COL27A1: variants seen among roughly 807,000 people sequenced by gnomAD.
COL27A1 encodes the protein collagen alpha-1(XXVII) chain.
COL27A1 carries 106 observed loss-of-function variants against 251.3 expected under a neutral mutation model. The observed-to-expected ratio is 0.42, with a 90% CI of 0.36 to 0.50. COL27A1 has a LOEUF of 0.50. COL27A1 is among the 20% of genes least tolerant of loss of function. COL27A1 has a pLI of 0.00. For missense variants in COL27A1, 2,325 were observed against 2,522.8 expected (o/e 0.92, Z 1.68); for synonymous variants, 1,000 against 986.3 (o/e 1.01, Z -0.26).
At chr9:114,270,973 A>C (rs1050374457) in intron 36 of COL27A1, 192 bp downstream of exon 36, 1 of 579,060 alleles carries the variant, frequency 1.7e-6, no homozygotes, top group African/African-American at 1.9e-5. Context: ...CCTCTGCACT[A>C]CCTGCTCAGG....
At chr9:114,308,487 A>T (rs1249760) in intron 59 of COL27A1, among the ~76,000 whole-genome samples, 1 of 152,008 alleles carries the variant, frequency 6.6e-6, no homozygotes, top group African/African-American at 2.4e-5. Context: ...GCCAGCCAGT[A>T]GCCAGGTCTT....
At chr9:114,234,940 G>A (rs990135150) in intron 16 of COL27A1, among the ~76,000 whole-genome samples, 13 of 151,438 alleles carry the variant, frequency 8.6e-5, no homozygotes, top group Admixed American at 7.2e-4. Context: ...TTAGCTGGGC[G>A]TGGTGGCACG....
chr9:114,255,108 G>A (rs921612937), intron 27 of COL27A1, among the ~76,000 whole-genome samples: 38 of 152,182 alleles, frequency 2.5e-4, no homozygotes, highest in African/African-American at 8.9e-4. Context: ...AGCACTCTGG[G>A]CTCCCAGTGA....
intron 14 of COL27A1, among the ~76,000 whole-genome samples, chr9:114,227,934 C>A (rs143901649): frequency 6.6e-6 from 1 of 152,236 alleles, no homozygotes; most frequent in South Asian, 2.1e-4. Flanking sequence ...TTGTTCCTCC[C>A]GGAAATGCTT....
intron 39 of COL27A1, among the ~76,000 whole-genome samples, chr9:114,282,914 G>T (rs1216287688): frequency 6.6e-6 from 1 of 152,198 alleles, no homozygotes; most frequent in East Asian, 1.9e-4. Context: ...CAAACAAGGA[G>T]ATTTCCCACT....
At chr9:114,301,940 G>A in intron 55 of COL27A1, 142 bp from the exon 56 acceptor site, 1 of 979,142 alleles carries the variant, frequency 1.0e-6, no homozygotes, top group South Asian at 1.5e-5. Flanking sequence ...CCAGCCCACT[G>A]GGGCCCACCA....
Position 114,237,671 on chromosome 9 carries a change from G to C in COL27A1, c.2683G>C (p.Gly895Arg). ...RGKPGPLGKVGDKGSIGFPGP... is the reference protein window; with the variant it reads ...RGKPGPLGKVRDKGSIGFPGP... ...CTCTTCTCTTCCACAGGGCAAAGTC[G>C]GAGACAAAGGATCCATTGGGTTTCC... The change falls in exon 19 of 61, where the codon GGA (glycine) becomes CGA (arginine). Residue 895 changes from glycine (G) to arginine (R), a missense_variant. Gly to Arg is a moderately radical substitution (Grantham distance 125). Transcript: ENST00000356083. 6.2e-7 allele frequency: 1 copy of C among 1,614,080 alleles called. No homozygotes were observed.
At position 114,168,214 on chromosome 9, in the gene COL27A1, C is replaced by T. The variant is rs1176131296; in HGVS notation, c.659C>T (p.Pro220Leu). ...EGALCQFSIY[P>L]VTQVAHNYCT... ...GCTCTCTGCCAGTTCAGTATCTACC[C>T]TGTGACGCAGGTCGCTCACAATTAC... Residue 220 changes from proline to leucine, a missense_variant, in exon 3 of 61, where the codon CCT (proline) becomes CTT (leucine). Physicochemically the swap from Pro to Leu is moderately conservative, Grantham distance 98. Around this residue, in one of 4 missense-constraint regions of COL27A1, gnomAD observed 1,183 missense variants for 1,144.1 expected, o/e 1.03. Coordinates refer to ENST00000356083, the MANE Select transcript of COL27A1 (RefSeq NM_032888.4). The T allele has an allele frequency of 6.2e-7, 1 of 1,614,016 alleles. No individual in the cohort carries two copies. Among genetic ancestry groups the T allele is most frequent in the South Asian group, 1.1e-5 (1 of 91,086 alleles).
rs1827664005 is a variant in COL27A1 at position 114,288,443 on chromosome 9, C to T, written c.3988-12C>T. 6.2e-7 allele frequency: 1 copy of T among 1,609,358 alleles called. No individual in the cohort carries two copies. The highest frequency in any genetic ancestry group is 2.2e-5 in the East Asian group (1 of 44,782). ...CAGGCGGTTTGCCCTAAAGCTGGTT[C>T]TGTGTCCACAGGGGGAGCAGGGCGA... On this transcript the variant is annotated splice_polypyrimidine_tract_variant and intron_variant, in intron 41 of 60. Transcript: ENST00000356083.
At chr9:114,302,726 C>A (rs559131093) in intron 56 of COL27A1, among the ~76,000 whole-genome samples, 134 of 139,134 alleles carry the variant, frequency 9.6e-4, no homozygotes, top group Middle Eastern at 7.6e-3. Context: ...ACAAAAAAAA[C>A]AAAAAAAAAA....
Position 114,202,164 on chromosome 9 carries a change from G to T in COL27A1, c.2125-2938G>T, listed in dbSNP as rs113275636. ...CATTTAGCTGCATCCTGAGTAAAAG[G>T]GTTTACTTGAAATCTTCTCCTGGGA... On this transcript the variant is annotated intron_variant, in intron 7 of 60. Coordinates refer to ENST00000356083, the MANE Select transcript of COL27A1 (RefSeq NM_032888.4). Among the ~76,000 whole-genome samples, 872 of 152,310 alleles carry T rather than the reference G, an allele frequency of 5.7e-3. 6 individuals are homozygous for T. The highest frequency in any genetic ancestry group is 0.02 in the African/African-American group (822 of 41,566).
In COL27A1 at chr9:114,311,780, A is replaced by G. The variant is rs759496344; in HGVS notation, c.*1085A>G. On this transcript the variant is annotated 3_prime_UTR_variant, in exon 61 of 61. Coordinates refer to ENST00000356083, the MANE Select transcript of COL27A1 (RefSeq NM_032888.4). ...GTCTTGGGTGAAAACTTGACCTTGA[A>G]GAAACCAATCACAAAAGCGGCGTTG... 14 of 152,272 alleles carry G rather than the reference A, an allele frequency of 9.2e-5. No individual in the cohort carries two copies. Among genetic ancestry groups the G allele is most frequent in the East Asian group, 1.9e-4 (1 of 5,190 alleles). The allele number at this position is 152,272 out of a possible 1,614,324, so 9.4% of individuals were successfully genotyped here.
At chr9:114,154,373 A>C (rs2134967142), upstream of COL27A1, among the ~76,000 whole-genome samples, 1 of 152,290 alleles carries the variant, frequency 6.6e-6, no homozygotes, top group Admixed American at 6.5e-5. The surrounding 1 kb of genome is among the most constrained non-coding windows in gnomAD (Gnocchi z 5.8). Context: ...GGGACCCAGT[A>C]AGTGCTTGGG....
At chr9:114,244,481 C>A (rs1316512637) in intron 23 of COL27A1, among the ~76,000 whole-genome samples, 1 of 152,228 alleles carries the variant, frequency 6.6e-6, no homozygotes, top group East Asian at 1.9e-4. Context: ...CCCAAGGACT[C>A]CCTTAAGTTG....
intron 40 of COL27A1, 56 bp from the exon 41 acceptor site, chr9:114,284,668 T>C (rs1827332860): frequency 6.3e-7 from 1 of 1,579,974 alleles, no homozygotes; most frequent in Admixed American, 1.7e-5. Flanking sequence ...GGAGTCCATG[T>C]CCTTTGTCCT....
chr9:114,276,273 A>T (rs1418692564), intron 37 of COL27A1, among the ~76,000 whole-genome samples: 1 of 152,222 alleles, frequency 6.6e-6, no homozygotes, highest in Non-Finnish European at 1.5e-5. Flanking sequence ...TCTTGGCTCC[A>T]TGAAGACCAA....
At position 114,270,868 on chromosome 9, in the gene COL27A1, G is replaced by T; in HGVS notation, c.3609+87G>T. 2.9e-6 allele frequency: 3 copies of T among 1,018,756 alleles called. No homozygotes were observed. The Admixed American group carries it at 6.0e-5, about 20-fold the overall frequency. The allele number at this position is 1,018,756 out of a possible 1,614,324, so 63.1% of individuals were successfully genotyped here. A position where few individuals can be genotyped will look rare whatever the true frequency, so the allele number is the denominator to read the frequency against. ...ACCTAAGTCTCCTCCCAGAAACACTGTGTTCCCATAGAGATCTGAGATGAC... is the reference window on the plus strand; with the variant it reads ...ACCTAAGTCTCCTCCCAGAAACACTTTGTTCCCATAGAGATCTGAGATGAC... On this transcript the variant is annotated intron_variant, in intron 36 of 60. Transcript: ENST00000356083.
At position 114,269,049 on chromosome 9, in the gene COL27A1, C is replaced by T. The variant is rs144431419; in HGVS notation, c.3502-192C>T. The T allele has an allele frequency of 1.8e-3, 974 of 526,626 alleles. 20 individuals are homozygous for T. The East Asian group carries it at 0.027, about 15-fold the overall frequency. 32.6% of individuals were successfully genotyped at this position (526,626 alleles called of 1,614,324 possible). ...CTGTCCTGGCGTGGGAGAAGAAGTC[C>T]GTGGACAAGGCTTACTTGGAACAGG... On this transcript the variant is annotated intron_variant, in intron 34 of 60. Coordinates refer to ENST00000356083, the MANE Select transcript of COL27A1 (RefSeq NM_032888.4).
At chr9:114,231,731 G>C in intron 15 of COL27A1, 91 bp from the exon 16 acceptor site, 10 of 1,288,284 alleles carry the variant, frequency 7.8e-6, no homozygotes, top group Non-Finnish European at 1.1e-5. Flanking sequence ...GATCTAGCAC[G>C]GGGTCTTGCA....
Sources: gnomAD v4.1 joint callset for allele counts (sites outside exome capture counted in the v4.1 genomes callset) on GRCh38, gnomAD v4.1.1 for gene constraint, gnomAD v4.1.1 regional missense constraint, Gnocchi (gnomAD v3.1) non-coding constraint, MANE v1.5 for transcripts, NCBI Gene and HGNC (gene_info 2026-07-23, HGNC 2026-07-21) for gene names.